Variants in ATPAF2 observed in about 807,000 individuals in gnomAD.
ATPAF2 encodes ATP synthase mitochondrial F1 complex assembly factor 2.
A neutral mutation model predicts 36.6 loss-of-function variants in ATPAF2; 30 were observed. That is an observed-to-expected ratio of 0.82 (90% confidence interval 0.61 to 1.11). The LOEUF is 1.11. Ranked by LOEUF, ATPAF2 falls within the 50% of genes most tolerant of loss-of-function variation. ATPAF2 has a pLI of 0.00. For synonymous variants in ATPAF2, 140 were observed against 152.6 expected (o/e 0.92, Z 0.61); for missense variants, 321 against 372.3 (o/e 0.86, Z 1.13).
chr17:18,027,593 A>C (rs548089870), intron 3 of ATPAF2, among the ~76,000 whole-genome samples: 1 of 152,314 alleles, frequency 6.6e-6, no homozygotes, highest in South Asian at 2.1e-4. Flanking sequence ...AACCTGCCCA[A>C]GGTTACAGTT....
intron 7 of ATPAF2, among the ~76,000 whole-genome samples, chr17:18,019,532 CA>C (rs1420673169): frequency 6.6e-6 from 1 of 152,270 alleles, no homozygotes; most frequent in Non-Finnish European, 1.5e-5. Flanking sequence ...CACAGAACTA[CA>C]GATGCCTCTG....
chr17:18,016,328 A>T, downstream of ATPAF2: 1 of 1,073,596 alleles, frequency 9.3e-7, no homozygotes, highest in South Asian at 1.5e-5. Flanking sequence ...GGATTATAGA[A>T]TTCCACACTG....
Position 18,021,105 on chromosome 17 carries a change from T to G in ATPAF2, c.732+18A>C. On this transcript the variant is annotated intron_variant, in intron 7 of 7. Transcript: ENST00000474627. ...GAACTAGGAAGGGGGAGGCGGGACC[T>G]GAGGTGCTGCTCCTCACCTGGTACT... is the stretch of plus-strand genomic sequence containing the variant. The G allele has an allele frequency of 6.2e-7, 1 of 1,606,776 alleles. No homozygotes were observed.
chr17:18,028,834 T>G (rs2044585607), intron 1 of ATPAF2, among the ~76,000 whole-genome samples, 175 bp from the exon 2 acceptor site: 1 of 152,110 alleles, frequency 6.6e-6, no homozygotes, highest in Non-Finnish European at 1.5e-5. Flanking sequence ...TGATTAAAGC[T>G]GGGGGAAGGG....
At chr17:18,033,426 A>G (rs2044664493) in intron 1 of ATPAF2, among the ~76,000 whole-genome samples, 1 of 151,826 alleles carries the variant, frequency 6.6e-6, no homozygotes, top group Non-Finnish European at 1.5e-5. Context: ...TTCCCCAACA[A>G]TGTCACATAA....
At chr17:18,016,958 G>A (rs1381871381), downstream of ATPAF2, 4 of 242,896 alleles carry the variant, frequency 1.6e-5, no homozygotes, top group Non-Finnish European at 3.3e-5. Context: ...CAGATCACGA[G>A]GTCAGGAGTT....
chr17:18,033,856 G>A (rs933233098), intron 1 of ATPAF2, among the ~76,000 whole-genome samples: 5 of 150,452 alleles, frequency 3.3e-5, no homozygotes, highest in Admixed American at 2.6e-4. Context: ...ATGGTGGCTC[G>A]AGCTTGTAAT....
chr17:18,037,694 G>A (rs548741176), intron 1 of ATPAF2, among the ~76,000 whole-genome samples: 1 of 152,326 alleles, frequency 6.6e-6, no homozygotes, highest in East Asian at 1.9e-4. Context: ...GGAAGTAGTT[G>A]CATGCCCAAG....
chr17:18,024,823 A>C, intron 4 of ATPAF2, 119 bp from the exon 5 acceptor site: 2 of 833,200 alleles, frequency 2.4e-6, no homozygotes. Context: ...TCCCAGCCCC[A>C]CAAGTCTTTT....
chr17:18,038,763 C>T lies in ATPAF2; in HGVS notation c.133+118G>A, dbSNP rs1396165760. 2.8e-6 allele frequency: 4 copies of T among 1,433,790 alleles called. No homozygotes were observed. In the East Asian group the frequency reaches 6.9e-5, roughly 25 times the overall value. 88.8% of individuals were successfully genotyped at this position (1,433,790 alleles called of 1,614,324 possible). Reference sequence around the variant, plus strand: ...CTCATCTGTAAAAAGACCTGACTGGCCTGCATAACCTCATGAGCCTGAACC... The same window carrying T: ...CTCATCTGTAAAAAGACCTGACTGGTCTGCATAACCTCATGAGCCTGAACC... On this transcript the variant is annotated intron_variant, in intron 1 of 7. Coordinates refer to ENST00000474627, the MANE Select transcript of ATPAF2 (RefSeq NM_145691.4).
Position 18,028,386 on chromosome 17 carries a change from A to G in ATPAF2, c.179-9T>C. 1.2e-6 allele frequency: 2 copies of G among 1,613,746 alleles called. No homozygotes were observed. Among genetic ancestry groups the G allele is most frequent in the Non-Finnish European group, 1.7e-6 (2 of 1,179,844 alleles). On this transcript the variant is annotated splice_polypyrimidine_tract_variant and intron_variant, in intron 2 of 7. Transcript: ENST00000474627. The stretch of plus-strand genomic sequence containing the variant: ...GTTTATCTCAAAGCCACCTTGAAAG[A>G]TCAAATGAAAAACTCTCAGGGATTT...
downstream of ATPAF2, chr17:18,015,798 G>C: frequency 5.4e-6 from 2 of 372,182 alleles, no homozygotes; most frequent in Non-Finnish European, 1.0e-5. Flanking sequence ...CTTCACCCTG[G>C]AGGAAACATG....
intron 3 of ATPAF2, among the ~76,000 whole-genome samples, chr17:18,027,332 A>T (rs896879012): frequency 1.4e-5 from 2 of 144,948 alleles, no homozygotes; most frequent in African/African-American, 2.8e-5. Flanking sequence ...GTTGTCAAGG[A>T]CCAGGCCAAC....
intron 1 of ATPAF2, among the ~76,000 whole-genome samples, chr17:18,035,052 G>A (rs2044685398): frequency 6.6e-6 from 1 of 151,856 alleles, no homozygotes; most frequent in African/African-American, 2.4e-5. Context: ...GCCTGAGCAA[G>A]ACCCCATCTC....
chr17:18,025,822 G>A (rs1352603853), intron 4 of ATPAF2, among the ~76,000 whole-genome samples: 1 of 152,132 alleles, frequency 6.6e-6, no homozygotes, highest in Non-Finnish European at 1.5e-5. Context: ...AGAGCACTTG[G>A]GCTAGCAGGC....
chr17:18,021,540 T>G, intron 6 of ATPAF2: 1 of 634,688 alleles, frequency 1.6e-6, no homozygotes, highest in Non-Finnish European at 2.8e-6. Flanking sequence ...TCAAGACTTC[T>G]GCTGGCGAAG....
At chr17:18,032,838 T>A (rs2145516639) in intron 1 of ATPAF2, among the ~76,000 whole-genome samples, 1 of 145,102 alleles carries the variant, frequency 6.9e-6, no homozygotes, top group Middle Eastern at 3.6e-3. Context: ...TTGATTCAAT[T>A]TTTTTTTTTT....
intron 1 of ATPAF2, among the ~76,000 whole-genome samples, chr17:18,036,227 C>G (rs2044700419): frequency 6.6e-6 from 1 of 152,140 alleles, no homozygotes; most frequent in Admixed American, 6.5e-5. Context: ...TAATCTTCTA[C>G]TACTTCAAAT....
chr17:18,026,664 A>C lies in ATPAF2; in HGVS notation c.325-248T>G. 3 of 579,328 alleles carry C rather than the reference A, an allele frequency of 5.2e-6. No homozygotes were observed. The South Asian group carries it at 6.1e-5, about 12-fold the overall frequency. 35.9% of individuals were successfully genotyped at this position (579,328 alleles called of 1,614,324 possible). A position where few individuals can be genotyped will look rare whatever the true frequency, so the allele number is the denominator to read the frequency against. ...GCTTGCAGCAGCCCCAGGATTAGTGAACCTCCCCCATGGTCACATGCCTTT... is the reference window on the plus strand; with the variant it reads ...GCTTGCAGCAGCCCCAGGATTAGTGCACCTCCCCCATGGTCACATGCCTTT... On this transcript the variant is annotated intron_variant, in intron 3 of 7. Coordinates refer to ENST00000474627, the MANE Select transcript of ATPAF2 (RefSeq NM_145691.4).
Sources: gnomAD v4.1 joint callset for allele counts (sites outside exome capture counted in the v4.1 genomes callset) on GRCh38, gnomAD v4.1.1 for gene constraint, MANE v1.5 for transcripts, NCBI Gene and HGNC (gene_info 2026-07-23, HGNC 2026-07-21) for gene names.